PAX4: variants seen among roughly 807,000 people sequenced by gnomAD.
The protein encoded by PAX4 is paired box 4.
In PAX4, 33 loss-of-function variants were observed where a neutral mutation model predicts 40.6. The observed-to-expected ratio is 0.81, with a 90% confidence interval of 0.62 to 1.09. The LOEUF (loss-of-function observed/expected upper bound fraction) is 1.09. PAX4 is among the 50% of genes least tolerant of loss of function. The probability of loss-of-function intolerance (pLI) is 0.00; values close to 1 mark genes in which losing one functional copy is unlikely to be tolerated. For synonymous variants in PAX4, 174 were observed against 170.6 expected, an observed-to-expected ratio of 1.02 and a Z score of -0.16; for missense variants, 459 against 442.5, an observed-to-expected ratio of 1.04 and a Z score of -0.33.
At chr7:127,612,975 G>T (rs1251194108) in intron 9 of PAX4, 47 bp downstream of exon 9, 5 of 1,337,648 alleles carry the variant, frequency 3.7e-6, no homozygotes, top group Non-Finnish European at 5.4e-6. Flanking sequence ...ATGGATGGAT[G>T]GATAGATGAC....
In PAX4 at chr7:127,615,024, A is replaced by C. The variant is rs1389842369; in HGVS notation, c.216T>G (p.Ile72Met). The change falls in exon 5 of 12, where the codon ATT becomes ATG. Residue 72 changes from isoleucine to methionine, a missense_variant. Transcript: ENST00000639438. The part of the protein sequence containing the change: ...YRTGVLEPKG[I>M]GGSKPRLATP... ...TAGCCAGCCGTGGCTTGCTTCCCCC[A>C]ATGCCCTTTGGCTCCAAGACACCTG... The C allele has an allele frequency of 6.2e-7, 1 of 1,614,186 alleles. No individual in the cohort carries two copies.
intron 8 of PAX4, 99 bp from the exon 9 acceptor site, chr7:127,613,190 C>A (rs1299958369): frequency 2.6e-5 from 28 of 1,064,556 alleles, no homozygotes; most frequent in South Asian, 2.6e-4. Context: ...GAATGTTGAC[C>A]CTTCCTTGGG....
chr7:127,612,963 G>T, intron 9 of PAX4, 59 bp downstream of exon 9: 2 of 1,250,204 alleles, frequency 1.6e-6, no homozygotes, highest in Non-Finnish European at 1.2e-6. Context: ...ATGGATGGAT[G>T]GATGGATGGA....
Position 127,610,995 on chromosome 7 carries a change from C to T in PAX4, c.*69G>A. On this transcript the variant is annotated 3_prime_UTR_variant, in exon 12 of 12. Transcript: ENST00000639438. ...AGGAAGGAGCCACAGTCTGTATGGG[C>T]AGGACGGTAAGGACAATGGGCAGGA... The T allele has an allele frequency of 1.3e-6, 2 of 1,554,722 alleles. No individual in the cohort carries two copies. The highest frequency in any genetic ancestry group is 1.7e-6 in the Non-Finnish European group (2 of 1,148,334).
chr7:127,611,317 G>A lies in PAX4; in HGVS notation c.914-111C>T, dbSNP rs1794621876. 8 of 1,298,486 alleles carry A rather than the reference G, an allele frequency of 6.2e-6. No homozygotes were observed. In the East Asian group the frequency reaches 2.0e-4, roughly 32 times the overall value. 80.4% of individuals were successfully genotyped at this position (1,298,486 alleles called of 1,614,324 possible). On this transcript the variant is annotated intron_variant, in intron 11 of 11. Coordinates refer to ENST00000639438, the MANE Select transcript of PAX4 (RefSeq NM_001366110.1). ...TTTCCCACCCTGCATATACACACTT[G>A]AATCCCAGTCTCACATCCTTTACCT... is the stretch of plus-strand genomic sequence containing the variant.
At position 127,614,836 on chromosome 7, in the gene PAX4, A is replaced by C. The variant is rs755989994; in HGVS notation, c.360+44T>G. 8 of 1,597,670 alleles carry C rather than the reference A, an allele frequency of 5.0e-6. No individual in the cohort carries two copies. In the African/African-American group the frequency reaches 1.1e-4, roughly 21 times the overall value. ...AGAAAGGTTCTTTGTCTCCCCCAGAAAGCCTCTTTTCCAGCCCCAGTGTGG... is the reference window on the plus strand; with the variant it reads ...AGAAAGGTTCTTTGTCTCCCCCAGACAGCCTCTTTTCCAGCCCCAGTGTGG... On this transcript the variant is annotated intron_variant, in intron 5 of 11. Transcript: ENST00000639438.
At position 127,611,676 on chromosome 7, in the gene PAX4, G is replaced by C. The variant is rs1794627917; in HGVS notation, c.772C>G (p.Gln258Glu). The C allele has an allele frequency of 1.2e-6, 2 of 1,608,184 alleles. No homozygotes were observed. Among genetic ancestry groups the C allele is most frequent in the East Asian group, 4.5e-5 (2 of 44,860 alleles). Residue 258 changes from glutamine (Q) to glutamate (E), a missense_variant and splice_region_variant, in exon 11 of 12, where the codon CAG (glutamine) becomes GAG (glutamate). Transcript: ENST00000639438. ...RVAPGIISAQQSPGSVPTAAL... is the reference protein window; with the variant it reads ...RVAPGIISAQESPGSVPTAAL... ...GCTGTGGGCACACTGCCAGGGGACTGCTAAAAAAAAAAAGCAAGAGAAGAA... is the reference window on the plus strand; with the variant it reads ...GCTGTGGGCACACTGCCAGGGGACTCCTAAAAAAAAAAAGCAAGAGAAGAA...
chr7:127,611,434 T>C (rs1794623460), intron 11 of PAX4, 101 bp downstream of exon 11: 1 of 1,594,048 alleles, frequency 6.3e-7, no homozygotes, highest in African/African-American at 1.3e-5. Flanking sequence ...TGTATTGAGA[T>C]TCCTTTGATG....
At chr7:127,617,828 A>G (rs954914581) in intron 1 of PAX4, 134 bp downstream of exon 1, 1 of 152,382 alleles carries the variant, frequency 6.6e-6, no homozygotes, top group Non-Finnish European at 1.5e-5. Flanking sequence ...AGATGGAAAA[A>G]CAGGAAAGGG....
rs1587551238 is a variant in PAX4, at chr7:127,614,389, G to A, written c.436+93C>T. 2.9e-5 allele frequency: 28 copies of A among 970,042 alleles called. No individual in the cohort carries two copies. The Admixed American group carries it at 3.4e-4, about 12-fold the overall frequency. 60.1% of individuals were successfully genotyped at this position (970,042 alleles called of 1,614,324 possible). On this transcript the variant is annotated intron_variant, in intron 6 of 11. Transcript: ENST00000639438. ...GTCCTCCTTATTGGGTTGTTGTGAG[G>A]GTGATCCAAGAAAGAACGAGAAAGG...
At chr7:127,614,388 G>A in intron 6 of PAX4, 94 bp downstream of exon 6, 3 of 963,812 alleles carry the variant, frequency 3.1e-6, no homozygotes, top group Non-Finnish European at 4.9e-6. Flanking sequence ...GTTGTTGTGA[G>A]GGTGATCCAA....
At chr7:127,613,621 A>C (rs2116136709) in intron 7 of PAX4, 89 bp from the exon 8 acceptor site, 5 of 1,580,420 alleles carry the variant, frequency 3.2e-6, no homozygotes, top group Non-Finnish European at 4.3e-6. Context: ...ACCTGCTACA[A>C]CCCCAAACTA....
chr7:127,613,615 G>A, intron 7 of PAX4, 83 bp from the exon 8 acceptor site: 1 of 1,581,542 alleles, frequency 6.3e-7, no homozygotes, highest in East Asian at 2.2e-5. Flanking sequence ...CTCCCCACCT[G>A]CTACAACCCC....
intron 3 of PAX4, 176 bp downstream of exon 3, chr7:127,615,740 C>G: frequency 2.0e-6 from 3 of 1,497,624 alleles, no homozygotes; most frequent in South Asian, 2.6e-5. Context: ...CTTGCCCATA[C>G]CCGCCAACTC....
intron 10 of PAX4, 105 bp downstream of exon 10, chr7:127,611,840 T>C: frequency 6.3e-7 from 1 of 1,595,846 alleles, no homozygotes; most frequent in Non-Finnish European, 8.5e-7. Context: ...ACATGAACAC[T>C]GTGGGGCCCT....
chr7:127,613,183 T>C, intron 8 of PAX4, 92 bp from the exon 9 acceptor site: 1 of 1,108,670 alleles, frequency 9.0e-7, no homozygotes, highest in Non-Finnish European at 1.4e-6. Context: ...GAACTCAGAA[T>C]GTTGACCCTT....
chr7:127,616,247 G>C (rs1273664768), intron 2 of PAX4, among the ~76,000 whole-genome samples: 1 of 152,208 alleles, frequency 6.6e-6, no homozygotes, highest in Admixed American at 6.5e-5. Flanking sequence ...AAGGGGCTGG[G>C]AGGATTGAGA....
rs1794609682 is a variant in PAX4 at position 127,610,767 on chromosome 7, G to T, written c.*297C>A. 3 of 985,990 alleles carry T rather than the reference G, an allele frequency of 3.0e-6. No homozygotes were observed. Among genetic ancestry groups the T allele is most frequent in the South Asian group, 1.4e-5 (1 of 69,844 alleles). The allele number at this position is 985,990 out of a possible 1,614,324, so 61.1% of individuals were successfully genotyped here. On this transcript the variant is annotated 3_prime_UTR_variant, in exon 12 of 12. Coordinates refer to ENST00000639438, the MANE Select transcript of PAX4 (RefSeq NM_001366110.1). ...GTTGAATATTAGAGTGGGCATAGGG[G>T]TGCTCATAGGGAAAACATGATGGAC...
At chr7:127,614,855 A>T (rs752882171) in intron 5 of PAX4, 25 bp downstream of exon 5, 1 of 1,611,348 alleles carries the variant, frequency 6.2e-7, no homozygotes, top group Non-Finnish European at 8.5e-7. Context: ...TTCCAGCCCC[A>T]GTGTGGGGAG....
Sources: allele counts gnomAD v4.1 joint callset (sites outside exome capture counted in the v4.1 genomes callset), GRCh38; gene constraint gnomAD v4.1.1; transcripts MANE v1.5; gene names NCBI Gene and HGNC (gene_info 2026-07-23, HGNC 2026-07-21).